Variants in DENND4A observed in about 807,000 individuals in gnomAD.
DENND4A encodes C-myc promoter-binding protein.
DENND4A carries 70 observed loss-of-function variants against 199.3 expected under a neutral mutation model. That is an observed-to-expected ratio of 0.35 (90% CI 0.29 to 0.43). The LOEUF (loss-of-function observed/expected upper bound fraction) is 0.43. Ranked by LOEUF, DENND4A falls within the 20% of genes least tolerant of loss-of-function variation. The probability of loss-of-function intolerance (pLI) is 1.00; values close to 1 mark genes in which losing one functional copy is unlikely to be tolerated. For synonymous variants in DENND4A, 686 were observed against 766.9 expected (o/e 0.89, Z 1.74); for missense variants, 1,723 against 2,255.8 (o/e 0.76, Z 4.78).
intron 24 of DENND4A, among the ~76,000 whole-genome samples, chr15:65,675,915 A>C (rs2076359939): frequency 6.6e-6 from 1 of 152,060 alleles, no homozygotes; most frequent in South Asian, 2.1e-4. Context: ...AAAAACTGGA[A>C]ACTTGACATC....
intron 1 of DENND4A, among the ~76,000 whole-genome samples, chr15:65,779,851 T>C (rs1306789318): frequency 6.6e-6 from 1 of 152,174 alleles, no homozygotes; most frequent in South Asian, 2.1e-4. Context: ...GGTTTTGCCA[T>C]GTTGGCCAGG....
At chr15:65,737,058 C>G (rs1287523075) in intron 7 of DENND4A, among the ~76,000 whole-genome samples, 2 of 151,836 alleles carry the variant, frequency 1.3e-5, no homozygotes, top group African/African-American at 2.4e-5. Context: ...TATGTAAATA[C>G]GGTAAGGAAA....
chr15:65,669,779 C>T lies in DENND4A; in HGVS notation c.4787G>A (p.Ser1596Asn). The change falls in exon 27 of 33, where the codon AGC becomes AAC. Residue 1596 changes from serine to asparagine, a missense_variant and splice_region_variant. Around this residue, in one of 6 missense-constraint regions of DENND4A, gnomAD observed 141 missense variants for 170.7 expected, o/e 0.83. Coordinates refer to ENST00000443035, the MANE Select transcript of DENND4A (RefSeq NM_001320835.1). ...LSVQGNFDLN[S>N]KSKLQENFCT... ...TATAGTTCCACATAATCATAATTAC[C>T]TATTTAGATCAAAATTCCCTTGAAC... The T allele has an allele frequency of 2.5e-6, 4 of 1,604,266 alleles. No homozygotes were observed. The highest frequency in any genetic ancestry group is 3.4e-6 in the Non-Finnish European group (4 of 1,173,650).
intron 12 of DENND4A, among the ~76,000 whole-genome samples, chr15:65,722,389 G>A (rs1261793954): frequency 6.6e-6 from 1 of 152,034 alleles, no homozygotes; most frequent in Non-Finnish European, 1.5e-5. Flanking sequence ...GACTACTTGA[G>A]CCCAGGAGGT....
intron 25 of DENND4A, among the ~76,000 whole-genome samples, chr15:65,671,247 A>C (rs1221071592): frequency 6.6e-6 from 1 of 152,236 alleles, no homozygotes; most frequent in Non-Finnish European, 1.5e-5. Context: ...GATAAACCTT[A>C]AAGTAAGCAT....
chr15:65,781,873 AT>A (rs2077444136), intron 1 of DENND4A, among the ~76,000 whole-genome samples: 1 of 152,222 alleles, frequency 6.6e-6, no homozygotes, highest in South Asian at 2.1e-4. Flanking sequence ...ACCACTGTTT[AT>A]GGGACAGGCA....
chr15:65,769,232 C>T (rs1399630458), intron 1 of DENND4A, among the ~76,000 whole-genome samples: 2 of 150,474 alleles, frequency 1.3e-5, no homozygotes, highest in Non-Finnish European at 2.9e-5. Context: ...CACACACACA[C>T]ACTCAACTGT....
At position 65,676,501 on chromosome 15, in the gene DENND4A, C is replaced by T; in HGVS notation, c.4313G>A (p.Gly1438Glu). 6.2e-7 allele frequency: 1 copy of T among 1,613,006 alleles called. No individual in the cohort carries two copies. Among genetic ancestry groups the T allele is most frequent in the Non-Finnish European group, 8.5e-7 (1 of 1,179,484 alleles). ...ISSQETSATS[G>E]TKRIDLSRIS... is the part of the protein sequence containing the mutation. ...TCGGCTGAGATCAATTCTCTTAGTC[C>T]CTGAAGTAGCACTGGTCTCTTGAGA... is the stretch of plus-strand genomic sequence containing the variant. Residue 1438 changes from glycine to glutamate, a missense_variant, in exon 24 of 33, where the codon GGG (glycine) becomes GAG (glutamate). This residue lies in a region of DENND4A where 650 missense variants were observed against 738.1 expected (regional missense o/e 0.88). Coordinates refer to ENST00000443035, the MANE Select transcript of DENND4A (RefSeq NM_001320835.1).
intron 1 of DENND4A, among the ~76,000 whole-genome samples, chr15:65,789,389 G>A (rs1260564350): frequency 2.0e-5 from 3 of 151,880 alleles, no homozygotes; most frequent in Non-Finnish European, 4.4e-5. Flanking sequence ...CATTGGTCTT[G>A]TAGAATTCAA....
chr15:65,709,719 A>AAAAAAAAAAAAAAAATATATATAT (rs1218030026), intron 14 of DENND4A, among the ~76,000 whole-genome samples: 1 of 51,470 alleles, frequency 1.9e-5, no homozygotes, highest in Non-Finnish European at 3.1e-5. Flanking sequence ...AAAAAAAAAA[A>AAAAAAAAAAAAAAAATATATATAT]ATATATATAT....
chr15:65,746,933 TAA>T (rs79912609), intron 4 of DENND4A, among the ~76,000 whole-genome samples: 12 of 128,420 alleles, frequency 9.3e-5, no homozygotes, highest in Admixed American at 2.4e-4. Flanking sequence ...CTGTCTCTAC[TAA>T]AAAAAAAAAA....
chr15:65,768,828 A>C (rs1483648943), intron 1 of DENND4A, among the ~76,000 whole-genome samples: 1 of 151,920 alleles, frequency 6.6e-6, no homozygotes, highest in Non-Finnish European at 1.5e-5. Flanking sequence ...ACTAAAAAAT[A>C]CAAAAAAAAG....
At chr15:65,685,330 G>C (rs1037543983) in intron 23 of DENND4A, among the ~76,000 whole-genome samples, 2 of 152,100 alleles carry the variant, frequency 1.3e-5, no homozygotes, top group African/African-American at 4.8e-5. Flanking sequence ...GTTTCACTGT[G>C]TTAGCCAGGA....
intron 15 of DENND4A, among the ~76,000 whole-genome samples, chr15:65,704,463 C>T (rs947008705): frequency 6.6e-6 from 1 of 152,204 alleles, no homozygotes; most frequent in African/African-American, 2.4e-5. Flanking sequence ...GTCTCAACCT[C>T]CCAGGCTCAA....
At chr15:65,706,785 C>T (rs896096861) in intron 14 of DENND4A, among the ~76,000 whole-genome samples, 12 of 152,108 alleles carry the variant, frequency 7.9e-5, no homozygotes, top group African/African-American at 1.9e-4. Flanking sequence ...TGAGCCACAG[C>T]GCCCGGCCTT....
chr15:65,685,434 T>C (rs976920540), intron 23 of DENND4A, among the ~76,000 whole-genome samples: 11 of 152,220 alleles, frequency 7.2e-5, no homozygotes, highest in African/African-American at 2.7e-4. Context: ...ACAATTTTTA[T>C]AGTGTTAGCT....
chr15:65,759,388 G>C (rs954796922), intron 2 of DENND4A, among the ~76,000 whole-genome samples: 1 of 152,078 alleles, frequency 6.6e-6, no homozygotes, highest in Admixed American at 6.5e-5. Flanking sequence ...TGAGGCAGGA[G>C]AATTGCTTGA....
chr15:65,762,926 C>G (rs1044571043), intron 1 of DENND4A, among the ~76,000 whole-genome samples: 2 of 152,136 alleles, frequency 1.3e-5, no homozygotes, highest in African/African-American at 4.8e-5. Context: ...TATATCAAAT[C>G]TCACCAAGGA....
At chr15:65,728,013 T>G (rs1567051619) in intron 11 of DENND4A, among the ~76,000 whole-genome samples, 28 of 152,048 alleles carry the variant, frequency 1.8e-4, no homozygotes, top group Non-Finnish European at 1.5e-5. Context: ...TGTTTTTTTT[T>G]GTTTTTTTCT....
Sources: gnomAD v4.1 joint callset for allele counts (sites outside exome capture counted in the v4.1 genomes callset) on GRCh38, gnomAD v4.1.1 for gene constraint, gnomAD v4.1.1 regional missense constraint, MANE v1.5 for transcripts, NCBI Gene and HGNC (gene_info 2026-07-23, HGNC 2026-07-21) for gene names.